PDE8B: variants seen among roughly 807,000 people sequenced by gnomAD.
The protein encoded by PDE8B is phosphodiesterase 8B.
Under a neutral mutation model 101.3 loss-of-function variants are expected in PDE8B, and 26 were observed. The ratio of observed to expected loss-of-function variants is 0.26; its 90% CI spans 0.19 to 0.36. The LOEUF is 0.36. Among genes scored for constraint, PDE8B ranks in the 10% least tolerant of loss-of-function variants. PDE8B has a pLI of 1.00. For missense variants in PDE8B, 810 were observed against 1,163.1 expected, an observed-to-expected ratio of 0.70 and a Z score of 4.42; for synonymous variants, 424 against 429.3, an observed-to-expected ratio of 0.99 and a Z score of 0.15.
chr5:77,409,339 T>C (rs1343651751), intron 14 of PDE8B, among the ~76,000 whole-genome samples: 1 of 152,180 alleles, frequency 6.6e-6, no homozygotes, highest in Non-Finnish European at 1.5e-5. Context: ...GATGGAGGGC[T>C]CAATGTGCAA....
chr5:77,297,089 G>C (rs188432334), intron 1 of PDE8B, among the ~76,000 whole-genome samples: 122 of 152,286 alleles, frequency 8.0e-4, no homozygotes, highest in African/African-American at 2.8e-3. Context: ...CATGGAGAAG[G>C]TAGAAAGGGC....
intron 2 of PDE8B, among the ~76,000 whole-genome samples, chr5:77,323,881 C>A (rs1488223256): frequency 1.3e-5 from 2 of 152,090 alleles, no homozygotes; most frequent in African/African-American, 4.8e-5. Context: ...ATCACTTGAA[C>A]CTGGGAGGTG....
At chr5:77,118,719 C>T in the PDE8B span, 1 of 205,176 alleles carries the variant, frequency 4.9e-6, no homozygotes, top group Non-Finnish European at 9.7e-6. Flanking sequence ...GTAGAATATT[C>T]CCAGCCAGAG....
chr5:77,139,489 A>G, the PDE8B span: 1 of 152,258 alleles, frequency 6.6e-6, no homozygotes, highest in African/African-American at 2.4e-5. Flanking sequence ...CAATCTAGGA[A>G]TTCCTGTCTT....
At chr5:77,330,239 A>G (rs66725888) in intron 4 of PDE8B, among the ~76,000 whole-genome samples, 6,093 of 152,316 alleles carry the variant, frequency 0.04, 169 homozygotes, top group African/African-American at 0.069. Context: ...GTTCAAGGCC[A>G]CACAGCATTT....
chr5:77,119,999 T>TAAACA, the PDE8B span, among the ~76,000 whole-genome samples: 50,012 of 150,774 alleles, frequency 0.33, 9,823 homozygotes, highest in Non-Finnish European at 0.44. Context: ...ACCTTGTTTC[T>TAAACA]AAACAAAACA....
chr5:77,260,721 G>A (rs761759855), intron 1 of PDE8B, among the ~76,000 whole-genome samples: 1 of 151,528 alleles, frequency 6.6e-6, no homozygotes, highest in Non-Finnish European at 1.5e-5. Flanking sequence ...CTGAGTAGCT[G>A]GGATTGCAGG....
the PDE8B span, among the ~76,000 whole-genome samples, chr5:77,157,430 T>A: frequency 1.6e-4 from 25 of 152,160 alleles, no homozygotes; most frequent in Non-Finnish European, 2.5e-4. Context: ...AATACATTGT[T>A]CAGGTATTTT....
the PDE8B span, among the ~76,000 whole-genome samples, chr5:77,124,821 AC>A: frequency 6.6e-6 from 1 of 152,222 alleles, no homozygotes; most frequent in Non-Finnish European, 1.5e-5. Flanking sequence ...AAAGTGAAGC[AC>A]AGAGAAAAGA....
At chr5:77,342,284 A>G (rs1051964389) in intron 6 of PDE8B, among the ~76,000 whole-genome samples, 2 of 152,136 alleles carry the variant, frequency 1.3e-5, no homozygotes, top group Admixed American at 1.3e-4. Flanking sequence ...CACATAAACT[A>G]TCTGTTTTGA....
At chr5:77,364,167 A>AGGAGTGGG (rs1389123559) in intron 10 of PDE8B, among the ~76,000 whole-genome samples, 2 of 152,206 alleles carry the variant, frequency 1.3e-5, no homozygotes, top group African/African-American at 4.8e-5. Flanking sequence ...CACCTCGTCC[A>AGGAGTGGG]GGAGTGGGCA....
At chr5:77,353,731 A>G (rs182084085) in intron 10 of PDE8B, among the ~76,000 whole-genome samples, 32 of 152,338 alleles carry the variant, frequency 2.1e-4, no homozygotes, top group African/African-American at 6.7e-4. Context: ...GTTGGAAAGT[A>G]TATATCCATT....
intron 10 of PDE8B, among the ~76,000 whole-genome samples, chr5:77,367,934 A>G (rs1210841699): frequency 6.6e-6 from 1 of 152,206 alleles, no homozygotes; most frequent in East Asian, 1.9e-4. Flanking sequence ...ACTTGTTCTC[A>G]GTGCTGAACT....
At chr5:77,267,281 T>TA (rs954868625) in intron 1 of PDE8B, among the ~76,000 whole-genome samples, 48 of 150,610 alleles carry the variant, frequency 3.2e-4, no homozygotes, top group African/African-American at 3.7e-4. Flanking sequence ...CTACTAAAAA[T>TA]AAAAAAAAAT....
At chr5:77,097,707 C>CTATATATATATA in the PDE8B span, among the ~76,000 whole-genome samples, 37 of 20,750 alleles carry the variant, frequency 1.8e-3, no homozygotes, top group East Asian at 5.4e-3. Flanking sequence ...ATATATATAT[C>CTATATATATATA]TATATATATA....
At chr5:77,247,596 G>A (rs1287005313) in intron 1 of PDE8B, among the ~76,000 whole-genome samples, 7 of 151,972 alleles carry the variant, frequency 4.6e-5, no homozygotes, top group East Asian at 3.9e-4. Context: ...GCCAGGCCTC[G>A]GGCTGGGGCT....
chr5:77,319,335 A>G (rs536427887), intron 2 of PDE8B, among the ~76,000 whole-genome samples: 2 of 152,244 alleles, frequency 1.3e-5, no homozygotes, highest in Non-Finnish European at 2.9e-5. Flanking sequence ...TTTTTTAACC[A>G]TAACTTTTTT....
intron 1 of PDE8B, among the ~76,000 whole-genome samples, chr5:77,227,961 A>G (rs994567538): frequency 6.6e-6 from 1 of 152,132 alleles, no homozygotes; most frequent in Non-Finnish European, 1.5e-5. Flanking sequence ...AGACACCCAC[A>G]TTTATTATTA....
intron 1 of PDE8B, among the ~76,000 whole-genome samples, chr5:77,279,623 G>A (rs575539731): frequency 6.6e-6 from 1 of 152,318 alleles, no homozygotes; most frequent in East Asian, 1.9e-4. Context: ...AGAAGCCTAT[G>A]ATGCAGGTAT....
Sources: allele counts gnomAD v4.1 joint callset (sites outside exome capture counted in the v4.1 genomes callset), GRCh38; gene constraint gnomAD v4.1.1; transcripts MANE v1.5; gene names NCBI Gene and HGNC (gene_info 2026-07-23, HGNC 2026-07-21).